The following CDK14 variants were observed in gnomAD, a reference collection of about 807,000 sequenced individuals.
The protein encoded by CDK14 is cyclin-dependent kinase 14.
CDK14 carries 34 observed loss-of-function variants against 60.7 expected under a neutral mutation model. The observed-to-expected ratio is 0.56, with a 90% CI of 0.43 to 0.75. The LOEUF (loss-of-function observed/expected upper bound fraction) is 0.75. Among genes scored for constraint, CDK14 ranks in the 30% least tolerant of loss-of-function variants. The pLI, the probability that CDK14 is intolerant of heterozygous loss-of-function variation, is 0.00. For missense variants in CDK14, 482 were observed against 564.1 expected, an observed-to-expected ratio of 0.85 and a Z score of 1.47; for synonymous variants, 197 against 203.7, an observed-to-expected ratio of 0.97 and a Z score of 0.28.
At chr7:90,917,771 T>C in intron 8 of CDK14, 47 bp downstream of exon 8, 1 of 1,593,892 alleles carries the variant, frequency 6.3e-7, no homozygotes, top group Non-Finnish European at 8.6e-7. Context: ...ACTGTGAGAA[T>C]GCCAGGCAGA....
intron 5 of CDK14, among the ~76,000 whole-genome samples, chr7:90,795,856 G>C (rs1487695580): frequency 2.0e-5 from 3 of 152,152 alleles, no homozygotes. Context: ...GGTCCAAGGT[G>C]ACAAGAAGGT....
intron 4 of CDK14, among the ~76,000 whole-genome samples, chr7:90,766,349 T>G (rs1002978259): frequency 6.6e-6 from 1 of 152,256 alleles, no homozygotes; most frequent in African/African-American, 2.4e-5. Flanking sequence ...GAAGAATGTA[T>G]GTAAGCAAAT....
chr7:90,883,479 A>C (rs1407846933), intron 6 of CDK14, among the ~76,000 whole-genome samples: 1 of 152,170 alleles, frequency 6.6e-6, no homozygotes, highest in Non-Finnish European at 1.5e-5. Context: ...CCCGGACCAG[A>C]TGGATTCACA....
At chr7:91,049,525 A>T (rs927623008) in intron 11 of CDK14, among the ~76,000 whole-genome samples, 1 of 152,134 alleles carries the variant, frequency 6.6e-6, no homozygotes, top group Non-Finnish European at 1.5e-5. Context: ...CCTGACCACA[A>T]TTTTTTTAAA....
intron 10 of CDK14, among the ~76,000 whole-genome samples, chr7:90,990,026 G>C (rs1388820804): frequency 6.6e-6 from 1 of 152,188 alleles, no homozygotes; most frequent in Non-Finnish European, 1.5e-5. Flanking sequence ...GAATGTTCAA[G>C]ACTGCACTTT....
chr7:91,190,768 G>A (rs1024111573), intron 14 of CDK14, among the ~76,000 whole-genome samples: 3 of 150,382 alleles, frequency 2.0e-5, no homozygotes, highest in African/African-American at 7.4e-5. Context: ...AGGAATACAG[G>A]CGTGAGCCAC....
chr7:90,961,029 A>G (rs1255569233), intron 9 of CDK14, among the ~76,000 whole-genome samples: 8 of 152,142 alleles, frequency 5.3e-5, no homozygotes, highest in East Asian at 1.9e-4. Context: ...ACTAAATAAT[A>G]TGGGTAAGGT....
At chr7:91,148,254 A>G (rs1562924969) in intron 14 of CDK14, among the ~76,000 whole-genome samples, 1 of 152,096 alleles carries the variant, frequency 6.6e-6, no homozygotes, top group Non-Finnish European at 1.5e-5. Flanking sequence ...GTGTGGTGGC[A>G]TGTACCTGTG....
chr7:90,734,428 C>T (rs972514630), intron 3 of CDK14, among the ~76,000 whole-genome samples: 7 of 152,140 alleles, frequency 4.6e-5, no homozygotes, highest in East Asian at 3.8e-4. Context: ...CTATTCTCCC[C>T]GTCACTTTCA....
At chr7:91,086,343 T>G (rs565620403) in intron 12 of CDK14, among the ~76,000 whole-genome samples, 1 of 152,336 alleles carries the variant, frequency 6.6e-6, no homozygotes, top group Non-Finnish European at 1.5e-5. Flanking sequence ...GAAGCCACGC[T>G]GTTCCCTCCT....
In CDK14 at chr7:90,711,541, A is replaced by G. The variant is rs529802014; in HGVS notation, c.124-15026A>G. 2.6e-5 allele frequency among the ~76,000 whole-genome samples: 4 copies of G among 152,212 alleles called. No homozygotes were observed. In the East Asian group the frequency reaches 7.7e-4, roughly 29 times the overall value. On this transcript the variant is annotated intron_variant, in intron 2 of 14. Coordinates refer to ENST00000380050, the MANE Select transcript of CDK14 (RefSeq NM_001287135.2). ...TAAGTTTGCGAAAAGTAATTTTTAA[A>G]AAGTAGAGCAATAACGTGACTGATT...
At chr7:91,110,924 A>G (rs1738624636) in intron 12 of CDK14, among the ~76,000 whole-genome samples, 1 of 152,218 alleles carries the variant, frequency 6.6e-6, no homozygotes, top group Non-Finnish European at 1.5e-5. Context: ...AAGTTGTACT[A>G]GTGATAAAGT....
chr7:90,757,473 G>A (rs1474330453), intron 4 of CDK14, among the ~76,000 whole-genome samples: 1 of 151,978 alleles, frequency 6.6e-6, no homozygotes, highest in East Asian at 1.9e-4. Context: ...ACTTGGCATT[G>A]CATTCATGAC....
chr7:90,649,594 A>G (rs1307283749), intron 2 of CDK14, among the ~76,000 whole-genome samples: 2 of 150,452 alleles, frequency 1.3e-5, no homozygotes, highest in African/African-American at 4.9e-5. Flanking sequence ...ATTTCTCCTA[A>G]TGCTCTCCCT....
chr7:90,784,354 T>C (rs2116943323), intron 4 of CDK14, among the ~76,000 whole-genome samples: 1 of 152,226 alleles, frequency 6.6e-6, no homozygotes, highest in South Asian at 2.1e-4. Context: ...GGTAGCACAA[T>C]AGGATGACTA....
chr7:90,644,929 A>G (rs1278430345), intron 2 of CDK14, among the ~76,000 whole-genome samples: 2 of 152,236 alleles, frequency 1.3e-5, no homozygotes, highest in African/African-American at 2.4e-5. Flanking sequence ...CTTTTTGCAT[A>G]AAGATTAGAC....
chr7:90,966,116 C>T (rs922840771), intron 9 of CDK14, among the ~76,000 whole-genome samples: 1 of 152,092 alleles, frequency 6.6e-6, no homozygotes, highest in Non-Finnish European at 1.5e-5. Context: ...TCCTCTCTGT[C>T]GTCACTTTCT....
chr7:90,756,290 C>T (rs1269623487), intron 4 of CDK14, among the ~76,000 whole-genome samples: 1 of 152,228 alleles, frequency 6.6e-6, no homozygotes, highest in Non-Finnish European at 1.5e-5. Context: ...AAGATGTGCT[C>T]AGCTGATCTC....
chr7:90,748,797 C>T (rs918321291), intron 4 of CDK14, among the ~76,000 whole-genome samples: 1 of 152,128 alleles, frequency 6.6e-6, no homozygotes, highest in Non-Finnish European at 1.5e-5. Flanking sequence ...CTGTATTGCC[C>T]AGGCTGGTTT....
Sources: allele counts gnomAD v4.1 joint callset (sites outside exome capture counted in the v4.1 genomes callset), GRCh38; gene constraint gnomAD v4.1.1; transcripts MANE v1.5; gene names NCBI Gene and HGNC (gene_info 2026-07-23, HGNC 2026-07-21).